The following ESRRG variants were observed in gnomAD, a reference collection of about 807,000 sequenced individuals.
ESRRG encodes estrogen related receptor gamma.
In ESRRG, 13 loss-of-function variants were observed where a neutral mutation model predicts 44.0. That is an observed-to-expected ratio of 0.30 (90% CI 0.19 to 0.47). The LOEUF (loss-of-function observed/expected upper bound fraction) is 0.47, where lower values mean the gene tolerates loss of function less well. ESRRG is among the 20% of genes least tolerant of loss of function. The probability of loss-of-function intolerance (pLI) is 1.00; values close to 1 mark genes in which losing one functional copy is unlikely to be tolerated. For synonymous variants in ESRRG, 215 were observed against 214.6 expected, an observed-to-expected ratio of 1.00 and a Z score of -0.02; for missense variants, 395 against 580.6, an observed-to-expected ratio of 0.68 and a Z score of 3.29.
At chr1:216,670,326 C>G (rs2074917303) in intron 2 of ESRRG, among the ~76,000 whole-genome samples, 1 of 152,226 alleles carries the variant, frequency 6.6e-6, no homozygotes, top group Non-Finnish European at 1.5e-5. Flanking sequence ...CAGTTGATTG[C>G]ATCAGATCCA....
chr1:216,803,686 C>A (rs893052455), intron 2 of ESRRG, among the ~76,000 whole-genome samples: 1 of 152,146 alleles, frequency 6.6e-6, no homozygotes, highest in African/African-American at 2.4e-5. Flanking sequence ...TGTACTCACA[C>A]AATCCCTGCA....
At chr1:216,907,824 C>T (rs2059854836) in intron 2 of ESRRG, among the ~76,000 whole-genome samples, 1 of 152,116 alleles carries the variant, frequency 6.6e-6, no homozygotes, top group African/African-American at 2.4e-5. Context: ...CTCTAATTCA[C>T]ATCTATCTAA....
chr1:216,556,427 G>A (rs2057591225), intron 5 of ESRRG, among the ~76,000 whole-genome samples: 1 of 152,118 alleles, frequency 6.6e-6, no homozygotes, highest in Non-Finnish European at 1.5e-5. Flanking sequence ...CATATTTTAG[G>A]ACATAGTACA....
chr1:216,931,715 T>C (rs532821442), intron 2 of ESRRG, among the ~76,000 whole-genome samples: 1 of 152,094 alleles, frequency 6.6e-6, no homozygotes, highest in East Asian at 1.9e-4. Flanking sequence ...AACTTGTCTA[T>C]GAGCTGTGGG....
chr1:217,032,626 T>C (rs1441506252), intron 1 of ESRRG, among the ~76,000 whole-genome samples: 1 of 152,220 alleles, frequency 6.6e-6, no homozygotes, highest in African/African-American at 2.4e-5. Flanking sequence ...ATATATTCTG[T>C]ACATATAAAC....
chr1:216,684,099 T>C (rs2077506393), intron 1 of ESRRG, among the ~76,000 whole-genome samples: 1 of 152,206 alleles, frequency 6.6e-6, no homozygotes, highest in Admixed American at 6.5e-5. Context: ...GTGTTGCAAG[T>C]ATGTATGTAG....
At chr1:217,137,648 T>G (rs1195637344) in intron 1 of ESRRG, 2 of 152,542 alleles carry the variant, frequency 1.3e-5, no homozygotes, top group Non-Finnish European at 2.9e-5. Flanking sequence ...GCCGGGCTTG[T>G]GCGCCCCACG....
intron 2 of ESRRG, among the ~76,000 whole-genome samples, chr1:216,671,172 T>C (rs1334450927): frequency 6.6e-6 from 1 of 152,166 alleles, no homozygotes; most frequent in East Asian, 1.9e-4. Context: ...GAAGCTAAAC[T>C]GAGAATTTTA....
intron 3 of ESRRG, among the ~76,000 whole-genome samples, chr1:216,614,736 A>G (rs2061177967): frequency 6.6e-6 from 1 of 152,224 alleles, no homozygotes; most frequent in East Asian, 1.9e-4. Flanking sequence ...GTCAATTGCA[A>G]TGTCTCTTGG....
chr1:217,089,572 G>T (rs888867588), exon 1 of ESRRG: 5 of 152,240 alleles, frequency 3.3e-5, no homozygotes, highest in African/African-American at 1.2e-4. Context: ...AGAAGCCGAA[G>T]CCGGTTTCTT....
chr1:217,036,443 A>G (rs577186911), intron 1 of ESRRG, among the ~76,000 whole-genome samples: 1 of 152,340 alleles, frequency 6.6e-6, no homozygotes, highest in South Asian at 2.1e-4. Flanking sequence ...CTGCATAAAG[A>G]AAATTGTGGT....
chr1:216,699,889 T>C (rs2081046187), intron 1 of ESRRG, among the ~76,000 whole-genome samples: 1 of 152,222 alleles, frequency 6.6e-6, no homozygotes, highest in Non-Finnish European at 1.5e-5. Context: ...CTAGAAAGCC[T>C]CGCCTATGGA....
chr1:216,798,490 A>T (rs1289589702), intron 2 of ESRRG, among the ~76,000 whole-genome samples: 1 of 152,190 alleles, frequency 6.6e-6, no homozygotes, highest in Non-Finnish European at 1.5e-5. Context: ...AAAGGCCTCC[A>T]GAAAGCCAGG....
At chr1:217,107,500 G>T (rs1237882783) in intron 1 of ESRRG, among the ~76,000 whole-genome samples, 2 of 152,194 alleles carry the variant, frequency 1.3e-5, no homozygotes, top group Admixed American at 6.5e-5. Flanking sequence ...CCCCCCTGGG[G>T]TTAGTTTGTG....
chr1:217,103,655 C>A (rs2092551892), intron 1 of ESRRG, among the ~76,000 whole-genome samples: 1 of 106,662 alleles, frequency 9.4e-6, no homozygotes, highest in African/African-American at 3.1e-5. Context: ...AAGACTCTGC[C>A]TCCAAAAAAT....
chr1:216,625,366 T>A (rs2062994474), intron 3 of ESRRG, among the ~76,000 whole-genome samples: 1 of 150,610 alleles, frequency 6.6e-6, no homozygotes, highest in Non-Finnish European at 1.5e-5. Context: ...AATAGTACCA[T>A]TTGATCATTT....
intron 1 of ESRRG, among the ~76,000 whole-genome samples, chr1:216,989,199 C>T (rs2150488648): frequency 1.3e-5 from 2 of 152,082 alleles, no homozygotes; most frequent in South Asian, 4.2e-4. Context: ...GAAATCCCAG[C>T]ACTTTGGGAG....
chr1:217,132,396 T>G (rs901099417), intron 1 of ESRRG, among the ~76,000 whole-genome samples: 6 of 152,244 alleles, frequency 3.9e-5, no homozygotes, highest in Middle Eastern at 3.4e-3. Context: ...GACACAGCCA[T>G]GCTGGTAGAG....
intron 2 of ESRRG, among the ~76,000 whole-genome samples, chr1:216,766,826 C>G (rs1162972848): frequency 1.3e-5 from 2 of 152,148 alleles, no homozygotes; most frequent in Admixed American, 6.6e-5. Context: ...TCTCTGGGGT[C>G]AGACATGACT....
Sources: gnomAD v4.1 joint callset for allele counts (sites outside exome capture counted in the v4.1 genomes callset) on GRCh38, gnomAD v4.1.1 for gene constraint, MANE v1.5 for transcripts, NCBI Gene and HGNC (gene_info 2026-07-23, HGNC 2026-07-21) for gene names.